Variants in TBC1D22B observed in about 807,000 individuals in gnomAD.
TBC1D22B encodes the protein TBC1 domain family member 22B.
Under a neutral mutation model 69.1 loss-of-function variants are expected in TBC1D22B, and 32 were observed. The observed-to-expected ratio is 0.46, with a 90% CI of 0.35 to 0.62. The LOEUF (loss-of-function observed/expected upper bound fraction) is 0.62. Among genes scored for constraint, TBC1D22B ranks in the 20% least tolerant of loss-of-function variants. The pLI, the probability that TBC1D22B is intolerant of heterozygous loss-of-function variation, is 0.00. For missense variants in TBC1D22B, 462 were observed against 630.9 expected (o/e 0.73, Z 2.87); for synonymous variants, 206 against 229.8 (o/e 0.90, Z 0.94).
At chr6:37,308,216 A>G (rs947714798) in intron 8 of TBC1D22B, among the ~76,000 whole-genome samples, 1 of 152,158 alleles carries the variant, frequency 6.6e-6, no homozygotes, top group African/African-American at 2.4e-5. Flanking sequence ...TGCTCTTGTC[A>G]TGACAACCAG....
Position 37,297,067 on chromosome 6 carries a change from T to A in TBC1D22B, c.982+5710T>A, listed in dbSNP as rs60751320. 6.7e-3 allele frequency among the ~76,000 whole-genome samples: 1,027 copies of A among 152,254 alleles called. 17 individuals carry two copies. The highest frequency in any genetic ancestry group is 0.024 in the African/African-American group (985 of 41,536). On this transcript the variant is annotated intron_variant, in intron 8 of 12. Transcript: ENST00000373491. ...GTCCTGAACTCCTGGACTCAAGCCA[T>A]TTACCTGCTTCAGCCTCCTAAAGTG... is the stretch of plus-strand genomic sequence containing the variant.
At chr6:37,285,751 C>T (rs1437630601) in intron 6 of TBC1D22B, among the ~76,000 whole-genome samples, 1 of 152,132 alleles carries the variant, frequency 6.6e-6, no homozygotes, top group South Asian at 2.1e-4. Context: ...CCTTGGCCTC[C>T]CAAAGTGCTG....
chr6:37,279,539 A>G lies in TBC1D22B; in HGVS notation c.349A>G (p.Thr117Ala). 3 of 1,614,222 alleles carry G rather than the reference A, an allele frequency of 1.9e-6. No individual in the cohort carries two copies. Among genetic ancestry groups the G allele is most frequent in the Non-Finnish European group, 1.7e-6 (2 of 1,180,036 alleles). ...AGTAAAACCAGAACGGTCCCAGTCA[A>G]CGACATCGGACGTCCCTGCCAACTA... ...LRVKPERSQS[T>A]TSDVPANYKV... The change falls in exon 3 of 13, where the codon ACG becomes GCG. Residue 117 changes from threonine to alanine, a missense_variant. Thr to Ala is a moderately conservative substitution (Grantham distance 58). Transcript: ENST00000373491.
Position 37,316,716 on chromosome 6 carries a change from T to G in TBC1D22B, c.1179T>G (p.Asn393Lys), listed in dbSNP as rs1768092770. 1 of 1,614,170 alleles carries G rather than the reference T, an allele frequency of 6.2e-7. No individual in the cohort carries two copies. Among genetic ancestry groups the G allele is most frequent in the Non-Finnish European group, 8.5e-7 (1 of 1,180,038 alleles). The part of the protein sequence containing the change: ...LVSRIDEQVH[N>K]HFRRYEVEYL... ...TTCCTGTTTCAGAGCAGGTACATAA[T>G]CACTTCAGGAGGTACGAGGTAGAAT... The change falls in exon 11 of 13, where the codon AAT (asparagine) becomes AAG (lysine). Residue 393 changes from asparagine (N) to lysine (K), a missense_variant. Physicochemically the swap from Asn to Lys is moderately conservative, Grantham distance 94 (BLOSUM62 0). Coordinates refer to ENST00000373491, the MANE Select transcript of TBC1D22B (RefSeq NM_017772.4).
intron 7 of TBC1D22B, among the ~76,000 whole-genome samples, chr6:37,287,353 T>C (rs1187947971): frequency 2.6e-5 from 4 of 152,230 alleles, no homozygotes; most frequent in Non-Finnish European, 5.9e-5. Flanking sequence ...TTGCTCTACT[T>C]TATCAAGCTG....
intron 10 of TBC1D22B, among the ~76,000 whole-genome samples, chr6:37,316,274 C>G (rs1768075863): frequency 6.6e-6 from 1 of 152,168 alleles, no homozygotes; most frequent in African/African-American, 2.4e-5. Flanking sequence ...GTGTTCACAT[C>G]CCTGCTGGCT....
At position 37,257,807 on chromosome 6, in the gene TBC1D22B, G is replaced by C. The variant is rs1348444774; in HGVS notation, c.-111G>C. 3 of 1,216,674 alleles carry C rather than the reference G, an allele frequency of 2.5e-6. 1 individual carries two copies. In the East Asian group the frequency reaches 7.8e-5, roughly 31 times the overall value. The allele number at this position is 1,216,674 out of a possible 1,614,324, so 75.4% of individuals were successfully genotyped here. On this transcript the variant is annotated 5_prime_UTR_variant, in exon 1 of 13. Transcript: ENST00000373491. ...TGGCGTCCCCAGGAGCTGGGAGCGG[G>C]TGACCGGCGGCGGGGAAGCGGCCTG...
intron 1 of TBC1D22B, among the ~76,000 whole-genome samples, chr6:37,261,386 T>C (rs995563916): frequency 4.8e-5 from 7 of 146,450 alleles, no homozygotes; most frequent in Admixed American, 2.1e-4. Flanking sequence ...GAACTGAGAT[T>C]GCGTCACTCC....
Position 37,313,841 on chromosome 6 carries a change from G to A in TBC1D22B, c.1115G>A (p.Gly372Glu). 1.2e-6 allele frequency: 2 copies of A among 1,614,178 alleles called. No homozygotes were observed. The highest frequency in any genetic ancestry group is 1.7e-6 in the Non-Finnish European group (2 of 1,180,008). ...IQDNYTFAQP[G>E]IQKKVKALEE... ...GATAACTACACCTTTGCACAACCAGGAATCCAGAAGAAGGTGAAGGCACTG... is the reference window on the plus strand; with the variant it reads ...GATAACTACACCTTTGCACAACCAGAAATCCAGAAGAAGGTGAAGGCACTG... The change falls in exon 10 of 13, where the codon GGA becomes GAA. Residue 372 changes from glycine (G) to glutamate (E), a missense_variant. Physicochemically the swap from Gly to Glu is moderately conservative, Grantham distance 98. This residue lies in a region of TBC1D22B where 225 missense variants were observed against 375.4 expected (regional missense o/e 0.60). Transcript: ENST00000373491.
intron 12 of TBC1D22B, among the ~76,000 whole-genome samples, chr6:37,329,267 T>A (rs946382154): frequency 2.6e-5 from 4 of 152,234 alleles, no homozygotes; most frequent in Non-Finnish European, 5.9e-5. Flanking sequence ...TGCAACTGCC[T>A]TTTTTATCCT....
chr6:37,298,497 G>A (rs1227904598), intron 8 of TBC1D22B, among the ~76,000 whole-genome samples: 2 of 144,378 alleles, frequency 1.4e-5, no homozygotes, highest in Non-Finnish European at 3.0e-5. Flanking sequence ...CTTAACTATA[G>A]TTTAACTTTT....
chr6:37,268,338 C>T (rs893116628), intron 1 of TBC1D22B, among the ~76,000 whole-genome samples: 1 of 152,100 alleles, frequency 6.6e-6, no homozygotes, highest in African/African-American at 2.4e-5. Flanking sequence ...AAGCGATCCC[C>T]CCGTCTCAGC....
intron 10 of TBC1D22B, among the ~76,000 whole-genome samples, chr6:37,316,497 C>A (rs1168473139): frequency 1.3e-5 from 2 of 152,202 alleles, no homozygotes; most frequent in Non-Finnish European, 2.9e-5. Context: ...TAAAATAGTT[C>A]TGTCTGCTGG....
chr6:37,296,343 C>A (rs1027908818), intron 8 of TBC1D22B, among the ~76,000 whole-genome samples: 1 of 152,090 alleles, frequency 6.6e-6, no homozygotes, highest in African/African-American at 2.4e-5. Flanking sequence ...CACTCTGTCA[C>A]CCAGGCTGGA....
rs867279045 is a variant in TBC1D22B at position 37,327,347 on chromosome 6, G to A, written c.1390-3697G>A. Among the ~76,000 whole-genome samples, 14 of 134,568 alleles carry A rather than the reference G, an allele frequency of 1.0e-4. 1 individual carries two copies. The highest frequency in any genetic ancestry group is 9.3e-4 in the South Asian group (4 of 4,310). 88.3% of individuals were successfully genotyped at this position (134,568 alleles called of 152,430 possible). A position where few individuals can be genotyped will look rare whatever the true frequency, so the allele number is the denominator to read the frequency against. On this transcript the variant is annotated intron_variant, in intron 12 of 12. Transcript: ENST00000373491. ...CAAAAAATTAGCCGGGCGTGGTGGT[G>A]GGCGCCTGTAGTCCCAGCTGCTCGG...
intron 4 of TBC1D22B, 122 bp from the exon 5 acceptor site, chr6:37,282,760 T>C (rs1766876111): frequency 1.0e-6 from 1 of 958,408 alleles, no homozygotes; most frequent in South Asian, 1.4e-5. Context: ...ACTGTGCTTA[T>C]GGGTAGCAGG....
chr6:37,286,385 G>A (rs1034941347), intron 6 of TBC1D22B, among the ~76,000 whole-genome samples: 3 of 150,472 alleles, frequency 2.0e-5, no homozygotes, highest in East Asian at 2.0e-4. Flanking sequence ...GCCCGATCTC[G>A]GCTCACTGCA....
chr6:37,286,564 C>A (rs1767013271), intron 6 of TBC1D22B, among the ~76,000 whole-genome samples: 1 of 152,050 alleles, frequency 6.6e-6, no homozygotes, highest in African/African-American at 2.4e-5. Flanking sequence ...ATCCGCCCGG[C>A]TTGGCCTCCC....
chr6:37,296,485 A>G lies in TBC1D22B; in HGVS notation c.982+5128A>G, dbSNP rs146755616. Among the ~76,000 whole-genome samples the G allele has an allele frequency of 5.5e-3, 843 of 152,126 alleles. 8 individuals carry two copies. The highest frequency in any genetic ancestry group is 0.019 in the African/African-American group (799 of 41,504). On this transcript the variant is annotated intron_variant, in intron 8 of 12. Transcript: ENST00000373491. ...CACCTCAGCGTCCTGGATAGTTGGG[A>G]CTACAGGGGAGTGCCATCACATTTG...
Sources: allele counts gnomAD v4.1 joint callset (sites outside exome capture counted in the v4.1 genomes callset), GRCh38; gene constraint gnomAD v4.1.1; regional missense constraint gnomAD v4.1.1; transcripts MANE v1.5; gene names NCBI Gene and HGNC (gene_info 2026-07-23, HGNC 2026-07-21).